RASAL2: variants seen among roughly 807,000 people sequenced by gnomAD.
RASAL2 encodes the protein ras GTPase-activating protein nGAP.
Under a neutral mutation model 128.9 loss-of-function variants are expected in RASAL2, and 58 were observed. The ratio of observed to expected loss-of-function variants is 0.45; its 90% CI spans 0.36 to 0.56. RASAL2 has a LOEUF of 0.56. Ranked by LOEUF, RASAL2 falls within the 20% of genes least tolerant of loss-of-function variation. The pLI is 0.00. For synonymous variants in RASAL2, 561 were observed against 580.8 expected, an observed-to-expected ratio of 0.97 and a Z score of 0.49; for missense variants, 1,360 against 1,601.6, an observed-to-expected ratio of 0.85 and a Z score of 2.57.
intron 1 of RASAL2, among the ~76,000 whole-genome samples, chr1:178,135,229 A>G (rs1276069121): frequency 2.0e-5 from 3 of 152,204 alleles, no homozygotes; most frequent in Non-Finnish European, 4.4e-5. Context: ...CTGCATTGAC[A>G]TGGTTAATGC....
intron 1 of RASAL2, among the ~76,000 whole-genome samples, chr1:178,138,534 C>T (rs1406360333): frequency 1.3e-5 from 2 of 152,048 alleles, no homozygotes; most frequent in Non-Finnish European, 2.9e-5. Flanking sequence ...GCCATATAAC[C>T]TTGAACGAGC....
At chr1:178,290,109 A>G (rs1667209194) in intron 2 of RASAL2, among the ~76,000 whole-genome samples, 1 of 152,144 alleles carries the variant, frequency 6.6e-6, no homozygotes, top group Non-Finnish European at 1.5e-5. Flanking sequence ...TAATTTATTT[A>G]TTATGTTTAC....
intron 5 of RASAL2, among the ~76,000 whole-genome samples, chr1:178,423,777 C>T (rs541796220): frequency 6.8e-4 from 103 of 152,072 alleles, no homozygotes; most frequent in Non-Finnish European, 1.3e-3. Flanking sequence ...AATATCCTGT[C>T]GTATGTTTTC....
chr1:178,348,880 A>T (rs1418432750), intron 3 of RASAL2, among the ~76,000 whole-genome samples: 4 of 151,110 alleles, frequency 2.6e-5, no homozygotes, highest in Admixed American at 2.6e-4. Context: ...GCTCACTGCA[A>T]GCTCCGCCTC....
intron 1 of RASAL2, among the ~76,000 whole-genome samples, chr1:178,159,038 C>G (rs1206393394): frequency 6.6e-6 from 1 of 152,128 alleles, no homozygotes; most frequent in Non-Finnish European, 1.5e-5. Context: ...AGGTTTTGAT[C>G]ACTTTGGAAC....
intron 3 of RASAL2, chr1:178,341,585 A>G: frequency 6.2e-7 from 1 of 1,614,034 alleles, no homozygotes. Flanking sequence ...CACACCCAGA[A>G]ACTTCACACG....
At chr1:178,400,754 TTAATTAATTA>T (rs1426148945) in intron 4 of RASAL2, among the ~76,000 whole-genome samples, 1 of 152,174 alleles carries the variant, frequency 6.6e-6, no homozygotes, top group East Asian at 1.9e-4. Context: ...TCAAAATTAA[TTAATTAATTA>T]ATTATTTTGA....
chr1:178,243,977 G>A (rs1664646190), intron 1 of RASAL2, among the ~76,000 whole-genome samples: 2 of 152,226 alleles, frequency 1.3e-5, no homozygotes, highest in South Asian at 4.2e-4. Flanking sequence ...TGCAGTTGTT[G>A]AATGGTATAA....
intron 1 of RASAL2, among the ~76,000 whole-genome samples, chr1:178,212,463 GA>G (rs1438989150): frequency 6.6e-6 from 1 of 152,128 alleles, no homozygotes; most frequent in African/African-American, 2.4e-5. Context: ...CAACGCGAAG[GA>G]AGTGAGATGA....
intron 1 of RASAL2, among the ~76,000 whole-genome samples, chr1:178,229,056 A>C (rs1663895653): frequency 6.6e-6 from 1 of 152,192 alleles, no homozygotes; most frequent in African/African-American, 2.4e-5. Flanking sequence ...CTTAGATTCA[A>C]CAACTGTGTA....
intron 1 of RASAL2, among the ~76,000 whole-genome samples, chr1:178,147,868 G>A (rs568403781): frequency 2.4e-4 from 37 of 152,200 alleles, no homozygotes; most frequent in African/African-American, 8.2e-4. Flanking sequence ...TCAGGGGTTC[G>A]AGACCAGGCT....
chr1:178,215,479 C>A (rs1375457919), intron 1 of RASAL2, among the ~76,000 whole-genome samples: 3 of 152,192 alleles, frequency 2.0e-5, no homozygotes. Context: ...GGAAAACAAG[C>A]TTCTGTTTTG....
intron 3 of RASAL2, among the ~76,000 whole-genome samples, chr1:178,304,646 TA>T (rs756822487): frequency 3.3e-5 from 5 of 152,168 alleles, no homozygotes; most frequent in Non-Finnish European, 5.9e-5. Context: ...GTTGAGAAGA[TA>T]GTGTGATAAG....
intron 1 of RASAL2, among the ~76,000 whole-genome samples, chr1:178,199,595 T>A (rs909341411): frequency 6.6e-6 from 1 of 152,246 alleles, no homozygotes; most frequent in African/African-American, 2.4e-5. Context: ...TGGAATATAT[T>A]TTACAGTAGT....
At chr1:178,326,763 C>T (rs1043927537) in intron 3 of RASAL2, among the ~76,000 whole-genome samples, 1 of 152,080 alleles carries the variant, frequency 6.6e-6, no homozygotes, top group Non-Finnish European at 1.5e-5. Context: ...AGGCTGGTCT[C>T]GAACTCCCGA....
At chr1:178,166,722 A>T (rs917962592) in intron 1 of RASAL2, among the ~76,000 whole-genome samples, 44 of 152,138 alleles carry the variant, frequency 2.9e-4, no homozygotes, top group African/African-American at 1.0e-3. Context: ...AAATATTCAA[A>T]TATGAAGACT....
At chr1:178,318,460 T>C (rs1431320685) in intron 3 of RASAL2, among the ~76,000 whole-genome samples, 1 of 152,024 alleles carries the variant, frequency 6.6e-6, no homozygotes, top group Non-Finnish European at 1.5e-5. Flanking sequence ...GGACTTGCTT[T>C]ATGAATCTGG....
rs374614351 is a variant in RASAL2, at chr1:178,201,089, C to G, written c.203-82475C>G. ...GGTGTGCTACACTCGAAAAAAACTG[C>G]TGAGTTCTCTAATTTATATAAGCAG... On this transcript the variant is annotated intron_variant, in intron 1 of 17. Coordinates refer to ENST00000367649, the MANE Select transcript of RASAL2 (RefSeq NM_170692.4). Among the ~76,000 whole-genome samples, 10 of 152,242 alleles carry G rather than the reference C, an allele frequency of 6.6e-5. No individual in the cohort carries two copies. The East Asian group carries it at 1.9e-3, about 29-fold the overall frequency.
chr1:178,323,901 T>C (rs1668906740), intron 3 of RASAL2, among the ~76,000 whole-genome samples: 1 of 152,190 alleles, frequency 6.6e-6, no homozygotes, highest in Admixed American at 6.5e-5. Flanking sequence ...ATTTAGCAGT[T>C]ATTTCACAGA....
Sources: allele counts gnomAD v4.1 joint callset (sites outside exome capture counted in the v4.1 genomes callset), GRCh38; gene constraint gnomAD v4.1.1; transcripts MANE v1.5; gene names NCBI Gene and HGNC (gene_info 2026-07-23, HGNC 2026-07-21).